The following GPHN variants were observed in gnomAD, a reference collection of about 807,000 sequenced individuals.
The protein encoded by GPHN is gephyrin.
Under a neutral mutation model 95.5 loss-of-function variants are expected in GPHN, and 17 were observed. The ratio of observed to expected loss-of-function variants is 0.18; its 90% CI spans 0.12 to 0.27. The LOEUF (loss-of-function observed/expected upper bound fraction) is 0.27, where lower values mean the gene tolerates loss of function less well. Ranked by LOEUF, GPHN falls within the 10% of genes least tolerant of loss-of-function variation. GPHN has a pLI of 1.00. For synonymous variants in GPHN, 320 were observed against 322.5 expected (o/e 0.99, Z 0.08); for missense variants, 660 against 978.1 (o/e 0.67, Z 4.34).
intron 5 of GPHN, among the ~76,000 whole-genome samples, chr14:66,897,945 AT>A (rs2064940801): frequency 6.6e-6 from 1 of 152,006 alleles, no homozygotes; most frequent in South Asian, 2.1e-4. Context: ...CACTATTTTT[AT>A]TTTAGCCATT....
the GPHN span, chr14:67,473,703 A>G: frequency 1.3e-6 from 2 of 1,594,904 alleles, no homozygotes; most frequent in Non-Finnish European, 1.7e-6. This position sits in a 1 kb window ranked among gnomAD's most constrained non-coding sequence, Gnocchi z 6.5. Flanking sequence ...GCAGCGCAGG[A>G]GCAGCGGGCA....
chr14:66,997,253 G>T (rs1288345944), intron 9 of GPHN, among the ~76,000 whole-genome samples: 1 of 151,754 alleles, frequency 6.6e-6, no homozygotes, highest in African/African-American at 2.4e-5. Context: ...TGTAATCCCA[G>T]CTACTCGAGA....
chr14:66,833,061 G>A (rs560183131), intron 4 of GPHN, among the ~76,000 whole-genome samples: 65 of 152,198 alleles, frequency 4.3e-4, no homozygotes, highest in Middle Eastern at 3.4e-3. Context: ...GGCTAGAGAG[G>A]TACCAAATAC....
chr14:67,376,653 C>A, the GPHN span: 1 of 1,542,672 alleles, frequency 6.5e-7, no homozygotes, highest in Non-Finnish European at 8.8e-7. Context: ...TGATATTTAA[C>A]AGCATAGCAT....
intron 1 of GPHN, among the ~76,000 whole-genome samples, chr14:66,521,975 TC>T: frequency 6.6e-6 from 1 of 152,256 alleles, no homozygotes; most frequent in Non-Finnish European, 1.5e-5. Flanking sequence ...AGAATGTAGT[TC>T]ATTATATCAG....
At chr14:67,543,644 C>T in the GPHN span, among the ~76,000 whole-genome samples, 2 of 151,828 alleles carry the variant, frequency 1.3e-5, no homozygotes, top group Non-Finnish European at 2.9e-5. Flanking sequence ...AGTTTGAGAA[C>T]CCTGACTTAA....
the GPHN span, chr14:67,621,055 T>C: frequency 3.1e-6 from 4 of 1,290,174 alleles, no homozygotes; most frequent in Non-Finnish European, 4.5e-6. Context: ...CTACACAGCT[T>C]TGTGTTTGGG....
At chr14:67,535,383 T>C in the GPHN span, among the ~76,000 whole-genome samples, 2 of 138,110 alleles carry the variant, frequency 1.4e-5, no homozygotes, top group Non-Finnish European at 3.1e-5. Flanking sequence ...TTTTTTTTTT[T>C]TTTTTTTTTT....
At chr14:67,655,310 G>C in the GPHN span, among the ~76,000 whole-genome samples, 1 of 151,992 alleles carries the variant, frequency 6.6e-6, no homozygotes, top group African/African-American at 2.4e-5. Flanking sequence ...CTGGGTGACA[G>C]AGCAAGACCC....
chr14:66,900,761 T>TA (rs2065088051), intron 5 of GPHN, among the ~76,000 whole-genome samples: 1 of 152,216 alleles, frequency 6.6e-6, no homozygotes, highest in Admixed American at 6.6e-5. Flanking sequence ...TGTATATAGA[T>TA]ACTGCATTTT....
intron 5 of GPHN, among the ~76,000 whole-genome samples, chr14:66,890,038 C>A (rs1331662684): frequency 6.6e-6 from 1 of 152,114 alleles, no homozygotes; most frequent in South Asian, 2.1e-4. Flanking sequence ...CCTAGAAACA[C>A]AAAACCTACT....
intron 9 of GPHN, among the ~76,000 whole-genome samples, chr14:66,975,014 C>T (rs936714691): frequency 5.3e-5 from 8 of 152,110 alleles, no homozygotes; most frequent in Non-Finnish European, 7.4e-5. Context: ...TATAAGTACT[C>T]ATTAAACAGT....
the GPHN span, among the ~76,000 whole-genome samples, chr14:67,327,888 T>C: frequency 6.6e-6 from 1 of 151,938 alleles, no homozygotes; most frequent in East Asian, 1.9e-4. Context: ...CAGTCTATCA[T>C]TGATTTGGGT....
chr14:66,739,438 G>A (rs960356975), intron 2 of GPHN, among the ~76,000 whole-genome samples: 1 of 149,846 alleles, frequency 6.7e-6, no homozygotes, highest in African/African-American at 2.5e-5. Context: ...GAATGGTCTC[G>A]ATCTCCTGAC....
chr14:66,658,345 A>G (rs919861559), intron 1 of GPHN, among the ~76,000 whole-genome samples: 7 of 152,194 alleles, frequency 4.6e-5, no homozygotes, highest in Non-Finnish European at 8.8e-5. Context: ...ATGACAAAAA[A>G]GGATTTAGAA....
the GPHN span, among the ~76,000 whole-genome samples, chr14:67,445,500 C>A: frequency 6.8e-6 from 1 of 147,880 alleles, no homozygotes; most frequent in African/African-American, 2.5e-5. Flanking sequence ...GGTTCAGAAG[C>A]GGTATTAGGA....
At chr14:67,385,532 C>T in the GPHN span, 1 of 151,884 alleles carries the variant, frequency 6.6e-6, no homozygotes, top group Non-Finnish European at 1.5e-5. Context: ...GTACCTTTCA[C>T]TGATGTCAAG....
chr14:67,644,616 G>A, the GPHN span, among the ~76,000 whole-genome samples: 2 of 152,126 alleles, frequency 1.3e-5, no homozygotes, highest in Non-Finnish European at 2.9e-5. Context: ...ATTTCATCAG[G>A]TGTATTCTTA....
chr14:67,564,453 G>A, the GPHN span, among the ~76,000 whole-genome samples: 1 of 152,114 alleles, frequency 6.6e-6, no homozygotes, highest in South Asian at 2.1e-4. Flanking sequence ...CGATGGGCAC[G>A]TGAGATCATT....
Sources: gnomAD v4.1 joint callset for allele counts (sites outside exome capture counted in the v4.1 genomes callset) on GRCh38, gnomAD v4.1.1 for gene constraint, Gnocchi (gnomAD v3.1) non-coding constraint, MANE v1.5 for transcripts, NCBI Gene and HGNC (gene_info 2026-07-23, HGNC 2026-07-21) for gene names.